The following HGD variants were observed in gnomAD, a reference collection of about 807,000 sequenced individuals.
The protein encoded by HGD is homogentisate oxidase.
Under a neutral mutation model 60.8 loss-of-function variants are expected in HGD, and 61 were observed. That is an observed-to-expected ratio of 1.00 (90% CI 0.82 to 1.24). The LOEUF is 1.24. Ranked by LOEUF, HGD falls within the 50% of genes most tolerant of loss-of-function variation. The pLI is 0.00. For missense variants in HGD, 542 were observed against 547.1 expected (o/e 0.99, Z 0.09); for synonymous variants, 212 against 187.7 (o/e 1.13, Z -1.06).
At chr3:120,648,878 G>T (rs1463202026) in intron 6 of HGD, among the ~76,000 whole-genome samples, 1 of 152,094 alleles carries the variant, frequency 6.6e-6, no homozygotes. Flanking sequence ...ACAATAATTT[G>T]GCACCTGGAC....
chr3:120,647,147 T>C, intron 7 of HGD, 95 bp from the exon 8 acceptor site: 1 of 923,686 alleles, frequency 1.1e-6, no homozygotes, highest in Non-Finnish European at 1.8e-6. Flanking sequence ...TGCTTTTCCA[T>C]TCCAAATGCA....
At position 120,633,255 on chromosome 3, in the gene HGD, C is replaced by T. The variant is rs752713602; in HGVS notation, c.1080G>A (p.Gly360=). 1.2e-5 allele frequency: 20 copies of T among 1,613,912 alleles called. No individual in the cohort carries two copies. The African/African-American group carries it at 2.5e-4, about 20-fold the overall frequency. The change falls in exon 13 of 14, where the codon GGG becomes GGA. Residue 360 remains glycine, a synonymous_variant. Coordinates refer to ENST00000283871, the MANE Select transcript of HGD (RefSeq NM_000187.4). ...YEAKQGGFLP[G]GGSLHSTMTP... ...TCATTGTGCTGTGTAGACTCCCTCCCCCTGGCAGGAACCCACCTTGCTTTG... is the reference window on the plus strand; with the variant it reads ...TCATTGTGCTGTGTAGACTCCCTCCTCCTGGCAGGAACCCACCTTGCTTTG...
chr3:120,660,894 A>G (rs1444941290), intron 4 of HGD, among the ~76,000 whole-genome samples: 1 of 152,076 alleles, frequency 6.6e-6, no homozygotes, highest in African/African-American at 2.4e-5. Context: ...TTCTCATTTG[A>G]CCTTGTCCTT....
At chr3:120,676,043 T>C (rs2107558159) in intron 1 of HGD, among the ~76,000 whole-genome samples, 180 bp from the exon 2 acceptor site, 2 of 152,340 alleles carry the variant, frequency 1.3e-5, no homozygotes, top group South Asian at 4.1e-4. Context: ...ATATGGTTTC[T>C]GTGAATTTTA....
rs942166637 is a variant in HGD, at chr3:120,628,200, T to C, written c.*180A>G. The stretch of plus-strand genomic sequence containing the variant: ...ACAGAACACCAGCAAGTTTATTGAG[T>C]AATTAAGGTGACAGCCATAGAACTT... On this transcript the variant is annotated 3_prime_UTR_variant, in exon 14 of 14. Coordinates refer to ENST00000283871, the MANE Select transcript of HGD (RefSeq NM_000187.4). 6 of 660,840 alleles carry C rather than the reference T, an allele frequency of 9.1e-6. No homozygotes were observed. The African/African-American group carries it at 1.1e-4, about 12-fold the overall frequency. The allele number at this position is 660,840 out of a possible 1,614,324, so 40.9% of individuals were successfully genotyped here.
chr3:120,673,936 C>T (rs1281506179), intron 3 of HGD, among the ~76,000 whole-genome samples: 3 of 152,108 alleles, frequency 2.0e-5, no homozygotes, highest in Non-Finnish European at 2.9e-5. Context: ...GATGATTTAC[C>T]CAAGGCCACA....
Position 120,628,174 on chromosome 3 carries a change from C to T in HGD, c.*206G>A. On this transcript the variant is annotated 3_prime_UTR_variant, in exon 14 of 14. Coordinates refer to ENST00000283871, the MANE Select transcript of HGD (RefSeq NM_000187.4). ...CTTGATTATGACCAATCACTACGTC[C>T]ACAGAACACCAGCAAGTTTATTGAG... is the stretch of plus-strand genomic sequence containing the variant. 1.7e-6 allele frequency: 1 copy of T among 598,044 alleles called. No homozygotes were observed. The highest frequency in any genetic ancestry group is 1.9e-5 in the South Asian group (1 of 52,452). The allele number at this position is 598,044 out of a possible 1,614,324, so 37.0% of individuals were successfully genotyped here.
intron 5 of HGD, among the ~76,000 whole-genome samples, chr3:120,651,452 A>G (rs376451259): frequency 2.6e-5 from 4 of 152,340 alleles, no homozygotes; most frequent in East Asian, 1.9e-4. Flanking sequence ...CTGCAGATGG[A>G]GAGCCAAAAG....
intron 4 of HGD, among the ~76,000 whole-genome samples, chr3:120,653,723 G>A (rs1350020399): frequency 2.6e-5 from 4 of 152,204 alleles, no homozygotes; most frequent in Admixed American, 2.6e-4. Flanking sequence ...AGAAGGAAAT[G>A]CTTTAGGACT....
intron 13 of HGD, 81 bp downstream of exon 13, chr3:120,633,066 G>T: frequency 7.9e-7 from 1 of 1,264,412 alleles, no homozygotes; most frequent in Non-Finnish European, 1.1e-6. Flanking sequence ...CTGTGACTTT[G>T]GAGAAATGAA....
At chr3:120,644,051 G>C (rs527489670) in intron 10 of HGD, among the ~76,000 whole-genome samples, 1 of 152,214 alleles carries the variant, frequency 6.6e-6, no homozygotes, top group Admixed American at 6.5e-5. Context: ...GAGTAGAAAG[G>C]GCACAACCTT....
intron 10 of HGD, among the ~76,000 whole-genome samples, chr3:120,643,556 C>A (rs917994897): frequency 1.3e-5 from 2 of 152,172 alleles, no homozygotes; most frequent in Non-Finnish European, 2.9e-5. Flanking sequence ...AAGTGCCAAA[C>A]TGGTTGGCCT....
chr3:120,652,495 G>A lies in HGD; in HGVS notation c.342+97C>T, dbSNP rs1941372436. On this transcript the variant is annotated intron_variant, in intron 5 of 13. Coordinates refer to ENST00000283871, the MANE Select transcript of HGD (RefSeq NM_000187.4). ...GTTTTGTCTCTGCTGCCTCCTGATAGGGCTGCTTCTGCTTGGCATTCAGGC... is the reference window on the plus strand; with the variant it reads ...GTTTTGTCTCTGCTGCCTCCTGATAAGGCTGCTTCTGCTTGGCATTCAGGC... 4 of 871,148 alleles carry A rather than the reference G, an allele frequency of 4.6e-6. No homozygotes were observed. In the South Asian group the frequency reaches 5.5e-5, roughly 12 times the overall value. 54.0% of individuals were successfully genotyped at this position (871,148 alleles called of 1,614,324 possible).
At chr3:120,631,803 G>T (rs1430996438) in intron 13 of HGD, among the ~76,000 whole-genome samples, 1 of 152,158 alleles carries the variant, frequency 6.6e-6, no homozygotes, top group African/African-American at 2.4e-5. Flanking sequence ...AGGTATTCTG[G>T]CTCCTTGATA....
intron 3 of HGD, among the ~76,000 whole-genome samples, chr3:120,671,635 T>C (rs1708026397): frequency 6.6e-6 from 1 of 152,238 alleles, no homozygotes; most frequent in Non-Finnish European, 1.5e-5. Context: ...ATCCCATTAC[T>C]GGGTGTATAC....
intron 12 of HGD, among the ~76,000 whole-genome samples, chr3:120,634,592 C>T (rs1940699058): frequency 6.6e-6 from 1 of 152,062 alleles, no homozygotes; most frequent in Non-Finnish European, 1.5e-5. Flanking sequence ...TAATTAACAA[C>T]AACAACAACA....
chr3:120,672,019 A>C (rs1708035661), intron 3 of HGD, among the ~76,000 whole-genome samples: 1 of 152,068 alleles, frequency 6.6e-6, no homozygotes, highest in African/African-American at 2.4e-5. Flanking sequence ...AGAGCATTAA[A>C]AAAATGGCTA....
At chr3:120,680,768 C>G (rs1349436447) in intron 1 of HGD, among the ~76,000 whole-genome samples, 1 of 152,160 alleles carries the variant, frequency 6.6e-6, no homozygotes, top group Non-Finnish European at 1.5e-5. Flanking sequence ...TTGGCTGACA[C>G]AGTTTTGGAT....
intron 10 of HGD, among the ~76,000 whole-genome samples, chr3:120,643,116 A>C (rs966431845): frequency 3.9e-5 from 6 of 152,152 alleles, no homozygotes; most frequent in African/African-American, 7.2e-5. Flanking sequence ...AGGCTAGAGT[A>C]GTATCTAAGG....
Sources: allele counts gnomAD v4.1 joint callset (sites outside exome capture counted in the v4.1 genomes callset), GRCh38; gene constraint gnomAD v4.1.1; transcripts MANE v1.5; gene names NCBI Gene and HGNC (gene_info 2026-07-23, HGNC 2026-07-21).